Variants in ADCY2 observed in about 807,000 individuals in gnomAD.
The protein encoded by ADCY2 is adenylate cyclase type 2.
ADCY2 carries 31 observed loss-of-function variants against 125.2 expected under a neutral mutation model. That is an observed-to-expected ratio of 0.25 (90% CI 0.19 to 0.33). The LOEUF (loss-of-function observed/expected upper bound fraction) is 0.33. Among genes scored for constraint, ADCY2 ranks in the 10% least tolerant of loss-of-function variants. The pLI is 1.00. For missense variants in ADCY2, 904 were observed against 1,418.2 expected (o/e 0.64, Z 5.82); for synonymous variants, 512 against 548.4 (o/e 0.93, Z 0.93).
intron 3 of ADCY2, among the ~76,000 whole-genome samples, chr5:7,623,222 T>G (rs191133059): frequency 7.2e-5 from 11 of 152,368 alleles, no homozygotes; most frequent in Middle Eastern, 3.4e-3. Context: ...TTGACGGGTT[T>G]GCTTCGAAGG....
At chr5:7,741,000 T>C (rs1190064720) in intron 14 of ADCY2, among the ~76,000 whole-genome samples, 1 of 152,094 alleles carries the variant, frequency 6.6e-6, no homozygotes, top group Non-Finnish European at 1.5e-5. Flanking sequence ...CAAACACTTA[T>C]TCCTTGAGAA....
intron 4 of ADCY2, among the ~76,000 whole-genome samples, chr5:7,673,021 G>A (rs1739984885): frequency 6.6e-6 from 1 of 151,880 alleles, no homozygotes; most frequent in South Asian, 2.1e-4. Context: ...CAGAGGACAT[G>A]CCTCCTTGGA....
At chr5:7,520,663 A>C in intron 2 of ADCY2, 75 bp from the exon 3 acceptor site, 1 of 1,522,178 alleles carries the variant, frequency 6.6e-7, no homozygotes, top group Non-Finnish European at 9.1e-7. Flanking sequence ...TGCAGCCTTT[A>C]GTGGCATGGA....
intron 16 of ADCY2, among the ~76,000 whole-genome samples, chr5:7,761,046 T>G (rs1743182683): frequency 6.6e-6 from 1 of 152,148 alleles, no homozygotes; most frequent in Non-Finnish European, 1.5e-5. Flanking sequence ...GTTCTGCATA[T>G]CCATCTATGT....
chr5:7,787,866 C>A (rs1234312607), intron 19 of ADCY2, among the ~76,000 whole-genome samples: 1 of 152,116 alleles, frequency 6.6e-6, no homozygotes, highest in Admixed American at 6.5e-5. Flanking sequence ...TAGCATGGCG[C>A]ATGGAAACCT....
chr5:7,476,388 GA>G (rs1336485635), intron 2 of ADCY2, among the ~76,000 whole-genome samples: 1 of 152,178 alleles, frequency 6.6e-6, no homozygotes, highest in Non-Finnish European at 1.5e-5. Flanking sequence ...AGTGAGACAG[GA>G]GGAAAACAGC....
At chr5:7,498,239 G>A (rs986370427) in intron 2 of ADCY2, among the ~76,000 whole-genome samples, 5 of 62,114 alleles carry the variant, frequency 8.0e-5, no homozygotes, top group African/African-American at 1.7e-4. Flanking sequence ...TTCTTTTTTC[G>A]TTTTTTTTTT....
chr5:7,592,552 AT>A (rs1206296235), intron 3 of ADCY2, among the ~76,000 whole-genome samples: 3 of 151,930 alleles, frequency 2.0e-5, no homozygotes, highest in African/African-American at 7.3e-5. Context: ...GGAAAAAAAA[AT>A]GGTAAAATTT....
chr5:7,662,881 G>A (rs982884972), intron 4 of ADCY2, among the ~76,000 whole-genome samples: 2 of 152,208 alleles, frequency 1.3e-5, no homozygotes, highest in African/African-American at 4.8e-5. Flanking sequence ...ATCCTAGCAT[G>A]AGCAAGGAAA....
chr5:7,499,661 A>ATG (rs1370692648), intron 2 of ADCY2, among the ~76,000 whole-genome samples: 2 of 111,424 alleles, frequency 1.8e-5, no homozygotes, highest in Admixed American at 8.7e-5. Flanking sequence ...ATATATATAT[A>ATG]TATATATATA....
At chr5:7,667,984 A>G (rs1739814913) in intron 4 of ADCY2, among the ~76,000 whole-genome samples, 1 of 152,224 alleles carries the variant, frequency 6.6e-6, no homozygotes. Flanking sequence ...AGAATAAGAC[A>G]GGAAAAATGA....
chr5:7,423,577 C>T (rs1740285912), intron 2 of ADCY2, among the ~76,000 whole-genome samples: 2 of 152,188 alleles, frequency 1.3e-5, no homozygotes, highest in Admixed American at 1.3e-4. Flanking sequence ...CCTCATTTGC[C>T]TTCTGCCATG....
chr5:7,819,562 T>A (rs1043125577), intron 23 of ADCY2, among the ~76,000 whole-genome samples: 1 of 152,180 alleles, frequency 6.6e-6, no homozygotes, highest in Non-Finnish European at 1.5e-5. Context: ...ACTGATAAAG[T>A]CTATACCCTC....
chr5:7,714,669 A>G (rs1462069946), intron 11 of ADCY2, among the ~76,000 whole-genome samples: 2 of 152,232 alleles, frequency 1.3e-5, no homozygotes, highest in South Asian at 2.1e-4. Context: ...TGCCTGCTTT[A>G]GTAAAGGCCT....
chr5:7,551,877 A>G (rs1011193087), intron 3 of ADCY2, among the ~76,000 whole-genome samples: 1 of 152,108 alleles, frequency 6.6e-6, no homozygotes, highest in Non-Finnish European at 1.5e-5. Context: ...TTTGAAAGCC[A>G]CTCCATAACT....
intron 3 of ADCY2, among the ~76,000 whole-genome samples, chr5:7,612,833 G>A (rs914430292): frequency 1.3e-5 from 2 of 152,076 alleles, no homozygotes; most frequent in East Asian, 3.9e-4. Context: ...TGGCTAACAC[G>A]GTGAAACCCC....
At position 7,658,400 on chromosome 5, in the gene ADCY2, T is replaced by G. The variant is rs558841368; in HGVS notation, c.720+32084T>G. On this transcript the variant is annotated intron_variant, in intron 4 of 24. Coordinates refer to ENST00000338316, the MANE Select transcript of ADCY2 (RefSeq NM_020546.3). ...TCTCCTTTTCACCAGTGAAGAGAATTGTGTGTGTGTGTGTGTGTGTGTGTG... is the reference window on the plus strand; with the variant it reads ...TCTCCTTTTCACCAGTGAAGAGAATGGTGTGTGTGTGTGTGTGTGTGTGTG... Among the ~76,000 whole-genome samples the G allele has an allele frequency of 3.0e-3, 147 of 49,120 alleles. 1 individual carries two copies. Among genetic ancestry groups the G allele is most frequent in the South Asian group, 0.018 (35 of 1,956 alleles). The allele number at this position is 49,120 out of a possible 152,430, so 32.2% of individuals were successfully genotyped here.
Position 7,828,992 on chromosome 5 carries a change from A to C in ADCY2, c.*2121A>C, listed in dbSNP as rs1400668342. The stretch of plus-strand genomic sequence containing the variant: ...TGCGCTAAAAAGAACTCAAAAGGAG[A>C]ACTGTGCTCTCCCAAAGCCATATCA... On this transcript the variant is annotated 3_prime_UTR_variant, in exon 25 of 25. Transcript: ENST00000338316. 2 of 152,298 alleles carry C rather than the reference A, an allele frequency of 1.3e-5. No individual in the cohort carries two copies. Among genetic ancestry groups the C allele is most frequent in the Non-Finnish European group, 2.9e-5 (2 of 68,040 alleles). The allele number at this position is 152,298 out of a possible 1,614,324, so 9.4% of individuals were successfully genotyped here.
intron 2 of ADCY2, among the ~76,000 whole-genome samples, chr5:7,436,653 T>C (rs1170221731): frequency 6.6e-6 from 1 of 152,218 alleles, no homozygotes; most frequent in Non-Finnish European, 1.5e-5. Context: ...ACAGTGACAT[T>C]TGCTCATCAG....
Sources: gnomAD v4.1 joint callset for allele counts (sites outside exome capture counted in the v4.1 genomes callset) on GRCh38, gnomAD v4.1.1 for gene constraint, MANE v1.5 for transcripts, NCBI Gene and HGNC (gene_info 2026-07-23, HGNC 2026-07-21) for gene names.